PKP2: variants seen among roughly 807,000 people sequenced by gnomAD.
PKP2 encodes the protein plakophilin 2, also known as plakophilin-2.
Under a neutral mutation model 83.4 loss-of-function variants are expected in PKP2, and 73 were observed. That is an observed-to-expected ratio of 0.88 (90% CI 0.72 to 1.06). The LOEUF (loss-of-function observed/expected upper bound fraction) is 1.06, where lower values mean the gene tolerates loss of function less well. PKP2 is among the 50% of genes least tolerant of loss of function. The probability of loss-of-function intolerance (pLI) is 0.00; values close to 1 mark genes in which losing one functional copy is unlikely to be tolerated. For synonymous variants in PKP2, 409 were observed against 430.4 expected (o/e 0.95, Z 0.62); for missense variants, 966 against 1,065.4 (o/e 0.91, Z 1.30).
chr12:32,814,193 G>A (rs1181888373), intron 9 of PKP2, among the ~76,000 whole-genome samples: 1 of 152,112 alleles, frequency 6.6e-6, no homozygotes, highest in Non-Finnish European at 1.5e-5. Flanking sequence ...ACCCCCCACA[G>A]CATTTTCTTT....
At chr12:32,850,745 T>C (rs2137861856) in intron 5 of PKP2, 21 bp downstream of exon 5, 1 of 1,594,272 alleles carries the variant, frequency 6.3e-7, no homozygotes, top group African/African-American at 1.3e-5. Context: ...GTTAGGTTCT[T>C]CAATGTTCAG....
chr12:32,813,581 A>G (rs1956296008), intron 9 of PKP2, among the ~76,000 whole-genome samples: 1 of 151,988 alleles, frequency 6.6e-6, no homozygotes, highest in Non-Finnish European at 1.5e-5. Flanking sequence ...GGAGTTTGAG[A>G]CCAGCTGGGC....
At chr12:32,825,521 CTT>C (rs1956430594) in intron 6 of PKP2, among the ~76,000 whole-genome samples, 1 of 152,118 alleles carries the variant, frequency 6.6e-6, no homozygotes, top group African/African-American at 2.4e-5. Context: ...ATGTTCAGGA[CTT>C]TTTCTTTATA....
chr12:32,843,337 T>C (rs1190090049), intron 5 of PKP2: 7 of 1,364,264 alleles, frequency 5.1e-6, no homozygotes, highest in African/African-American at 1.5e-5. Context: ...AGAGGAAGCA[T>C]AGGTACTCAG....
rs761027394 is a variant in PKP2, at chr12:32,850,936, A to G, written c.1208T>C (p.Leu403Pro). Residue 403 changes from leucine to proline, a missense_variant, in exon 5 of 13, where the codon CTC becomes CCC. By Grantham distance (98) the Leu-to-Pro change is moderately conservative. Coordinates refer to ENST00000340811, the MANE Select transcript of PKP2 (RefSeq NM_001005242.3). ...QLRGILKLLQ[L>P]LKVQNEDVQR... is the part of the protein sequence containing the mutation. ...AACGTCTTCATTCTGAACTTTTAGG[A>G]GCTGCAGAAGCTTGAGGATGCCACG... 2.5e-6 allele frequency: 4 copies of G among 1,614,116 alleles called. No homozygotes were observed. The highest frequency in any genetic ancestry group is 3.4e-6 in the Non-Finnish European group (4 of 1,180,008).
chr12:32,893,213 T>C (rs1195782213), intron 1 of PKP2: 1 of 152,180 alleles, frequency 6.6e-6, no homozygotes, highest in Non-Finnish European at 1.5e-5. Flanking sequence ...TTATCCGCTG[T>C]CTCAACCTTA....
rs760070309 is a variant in PKP2 at position 32,792,411 on chromosome 12, T to G, written c.*13A>C. ...TGGGGATTTTTGCAGCCGAGAATAC[T>G]TTGTCATTTTCCTCAGTCTTTAAGG... On this transcript the variant is annotated 3_prime_UTR_variant, in exon 13 of 13. Coordinates refer to ENST00000340811, the MANE Select transcript of PKP2 (RefSeq NM_001005242.3). The G allele has an allele frequency of 1.2e-6, 2 of 1,604,950 alleles. No individual in the cohort carries two copies. Among genetic ancestry groups the G allele is most frequent in the South Asian group, 1.1e-5 (1 of 90,892 alleles).
In PKP2 at chr12:32,792,397, G is replaced by T. The variant is rs1420415184; in HGVS notation, c.*27C>A. 3 of 1,569,940 alleles carry T rather than the reference G, an allele frequency of 1.9e-6. No individual in the cohort carries two copies. Among genetic ancestry groups the T allele is most frequent in the South Asian group, 1.1e-5 (1 of 90,174 alleles). ...TAGGTGTTTTCCTTTGGGGATTTTT[G>T]CAGCCGAGAATACTTTGTCATTTTC... is the stretch of plus-strand genomic sequence containing the variant. On this transcript the variant is annotated 3_prime_UTR_variant, in exon 13 of 13. Coordinates refer to ENST00000340811, the MANE Select transcript of PKP2 (RefSeq NM_001005242.3).
intron 11 of PKP2, 29 bp from the exon 12 acceptor site, chr12:32,792,760 G>C (rs780236595): frequency 2.5e-5 from 40 of 1,573,838 alleles, no homozygotes; most frequent in Non-Finnish European, 3.4e-5. Flanking sequence ...TCTGAGATCA[G>C]GGAGAATGAG....
At chr12:32,885,668 C>A (rs1035375596) in intron 1 of PKP2, among the ~76,000 whole-genome samples, 9 of 150,896 alleles carry the variant, frequency 6.0e-5, no homozygotes, top group South Asian at 2.1e-4. Context: ...CGTCCCCCCC[C>A]CAAAAAAAAA....
chr12:32,893,051 A>G lies in PKP2; in HGVS notation c.223+3458T>C, dbSNP rs4132978. ...CAGCCAACTTTAAAATGTTCAGCAC[A>G]GTTAAAAATAACACCAAAAGTCACT... On this transcript the variant is annotated intron_variant, in intron 1 of 12. Coordinates refer to ENST00000340811, the MANE Select transcript of PKP2 (RefSeq NM_001005242.3). 8.5e-4 allele frequency among the ~76,000 whole-genome samples: 129 copies of G among 152,344 alleles called. 1 individual carries two copies. In the East Asian group the frequency reaches 0.025, roughly 29 times the overall value.
chr12:32,842,119 T>C (rs1171061188), intron 5 of PKP2, among the ~76,000 whole-genome samples: 1 of 152,188 alleles, frequency 6.6e-6, no homozygotes, highest in African/African-American at 2.4e-5. Flanking sequence ...CATATACGTT[T>C]AGGATTTTTT....
chr12:32,863,061 A>G (rs1224705953), intron 4 of PKP2: 1 of 154,036 alleles, frequency 6.5e-6, no homozygotes, highest in African/African-American at 2.4e-5. Flanking sequence ...TCCTGTGGAG[A>G]CCGGCTAGGA....
At chr12:32,813,972 C>A (rs1956299450) in intron 9 of PKP2, among the ~76,000 whole-genome samples, 2 of 152,098 alleles carry the variant, frequency 1.3e-5, no homozygotes, top group Non-Finnish European at 2.9e-5. Flanking sequence ...CATTAATTTG[C>A]AGAACATTCT....
intron 5 of PKP2, among the ~76,000 whole-genome samples, chr12:32,845,483 C>T (rs535358635): frequency 2.0e-5 from 3 of 152,130 alleles, no homozygotes; most frequent in South Asian, 2.1e-4. Flanking sequence ...ACCCGGGAGG[C>T]GGAGCTTGCA....
At chr12:32,887,576 T>C (rs1957040777) in intron 1 of PKP2, among the ~76,000 whole-genome samples, 1 of 152,130 alleles carries the variant, frequency 6.6e-6, no homozygotes, top group African/African-American at 2.4e-5. Flanking sequence ...GCCTCAGCCT[T>C]CCGAGTAGCT....
chr12:32,861,482 G>A (rs1420102537), intron 4 of PKP2, among the ~76,000 whole-genome samples: 1 of 152,052 alleles, frequency 6.6e-6, no homozygotes, highest in African/African-American at 2.4e-5. Flanking sequence ...ATGTATTAAT[G>A]GCATATTAAA....
chr12:32,851,331 T>TA (rs1198323621), intron 4 of PKP2, among the ~76,000 whole-genome samples: 1 of 152,080 alleles, frequency 6.6e-6, no homozygotes, highest in African/African-American at 2.4e-5. Flanking sequence ...GAGTTTTTTT[T>TA]ATTAAATAAT....
At chr12:32,867,663 T>C (rs74505430) in intron 4 of PKP2, among the ~76,000 whole-genome samples, 1,731 of 152,348 alleles carry the variant, frequency 0.011, 97 homozygotes, top group Admixed American at 0.088. Flanking sequence ...TAGTAAGTTA[T>C]CATTTATGAT....
Sources: gnomAD v4.1 joint callset for allele counts (sites outside exome capture counted in the v4.1 genomes callset) on GRCh38, gnomAD v4.1.1 for gene constraint, MANE v1.5 for transcripts, NCBI Gene and HGNC (gene_info 2026-07-23, HGNC 2026-07-21) for gene names.